The following MID1 variants were observed in gnomAD, a reference collection of about 807,000 sequenced individuals.
MID1 encodes the protein E3 ubiquitin-protein ligase Midline-1.
Under a neutral mutation model 40.4 loss-of-function variants are expected in MID1, and 7 were observed. The ratio of observed to expected loss-of-function variants is 0.17; its 90% CI spans 0.10 to 0.33. The LOEUF (loss-of-function observed/expected upper bound fraction) is 0.33, where lower values mean the gene tolerates loss of function less well. Ranked by LOEUF, MID1 falls within the 10% of genes least tolerant of loss-of-function variation. MID1 has a pLI of 1.00. For missense variants in MID1, 367 were observed against 558.5 expected, an observed-to-expected ratio of 0.66 and a Z score of 3.46; for synonymous variants, 229 against 221.2, an observed-to-expected ratio of 1.04 and a Z score of -0.31.
intron 3 of MID1, among the ~76,000 whole-genome samples, chrX:10,507,974 T>C: frequency 8.9e-6 from 1 of 112,125 alleles, no homozygotes; most frequent in South Asian, 3.7e-4. Flanking sequence ...ACAGTGTTAG[T>C]AGCTAAGGAA....
chrX:10,713,325 A>G (rs898409647), intron 1 of MID1, among the ~76,000 whole-genome samples: 1 of 96,516 alleles, frequency 1.0e-5, no homozygotes, highest in African/African-American at 3.9e-5. Flanking sequence ...AGAGAAGGAG[A>G]TTTTTTTTTT....
chrX:10,826,026 C>T (rs138534967), intron 1 of MID1, among the ~76,000 whole-genome samples: 1 of 111,519 alleles, frequency 9.0e-6, no homozygotes, highest in East Asian at 2.8e-4. Context: ...TAGCATCACA[C>T]AGCTACTAAA....
chrX:10,495,378 G>C (rs1037823549), intron 4 of MID1, among the ~76,000 whole-genome samples: 9 of 111,132 alleles, frequency 8.1e-5, no homozygotes, highest in Admixed American at 5.8e-4. Flanking sequence ...TGTATCACAG[G>C]TCTTCACAGG....
rs1217006001 is a variant in MID1, at chrX:10,770,412, A to G, written c.-187+63142T>C. ...GTTGAGTCCTTTGTTCTGGGAGGGG[A>G]CTGAGGTCATTTGCACTTTGGACCC... is the stretch of plus-strand genomic sequence containing the variant. On this transcript the variant is annotated intron_variant, in intron 1 of 10. Transcript: ENST00000380785. 2.7e-5 allele frequency among the ~76,000 whole-genome samples: 3 copies of G among 111,884 alleles called. No individual in the cohort carries two copies. The East Asian group carries it at 8.4e-4, about 31-fold the overall frequency.
At chrX:10,516,560 T>TTGTGTGTGTGTG (rs57101806) in intron 3 of MID1, among the ~76,000 whole-genome samples, 50 of 73,356 alleles carry the variant, frequency 6.8e-4, no homozygotes, top group African/African-American at 1.8e-3. Flanking sequence ...TACTCTGCTC[T>TTGTGTGTGTGTG]TGTGTGTGTG....
chrX:10,598,867 C>CTT (rs769614098), intron 1 of MID1, among the ~76,000 whole-genome samples: 2 of 112,174 alleles, frequency 1.8e-5, no homozygotes, highest in African/African-American at 6.5e-5. Flanking sequence ...GCCACCCAGA[C>CTT]TTGCAACCTA....
intron 6 of MID1, among the ~76,000 whole-genome samples, chrX:10,471,180 C>T (rs1449862147): frequency 8.9e-6 from 1 of 112,233 alleles, no homozygotes; most frequent in African/African-American, 3.2e-5. Context: ...CATACCTGCA[C>T]TCTACAAACT....
intron 1 of MID1, among the ~76,000 whole-genome samples, chrX:10,730,384 T>G (rs1292082291): frequency 9.0e-6 from 1 of 110,529 alleles, no homozygotes; most frequent in Non-Finnish European, 1.9e-5. Flanking sequence ...ATCAAGAAGA[T>G]TGAAAATGCT....
chrX:10,640,236 T>G (rs1936173860), intron 1 of MID1, among the ~76,000 whole-genome samples: 1 of 110,815 alleles, frequency 9.0e-6, no homozygotes, highest in Non-Finnish European at 1.9e-5. Flanking sequence ...GGATAAAGAG[T>G]CAAGACCCAT....
intron 7 of MID1, among the ~76,000 whole-genome samples, chrX:10,468,193 C>T (rs765159162): frequency 3.6e-5 from 4 of 111,817 alleles, no homozygotes; most frequent in East Asian, 2.8e-4. Flanking sequence ...AAAGCTTCCA[C>T]GGCAGGCCAA....
At chrX:10,828,007 C>A (rs2044227079) in intron 1 of MID1, among the ~76,000 whole-genome samples, 1 of 111,196 alleles carries the variant, frequency 9.0e-6, no homozygotes, top group Admixed American at 9.5e-5. Context: ...GAATAACTCT[C>A]TGTTAGAGAG....
In MID1 at chrX:10,455,913, T is replaced by C. The variant is rs898236654; in HGVS notation, c.1448-836A>G. Among the ~76,000 whole-genome samples the C allele has an allele frequency of 3.6e-5, 4 of 112,433 alleles. No individual in the cohort carries two copies. In the East Asian group the frequency reaches 8.3e-4, roughly 23 times the overall value. ...TTGGCAGAGTCACACCTGGACATTT[T>C]GTCATAGTTGTTACTTCTTCTTTGA... On this transcript the variant is annotated intron_variant, in intron 8 of 9. Transcript: ENST00000317552.
At chrX:10,510,850 A>G (rs1932106660) in intron 3 of MID1, among the ~76,000 whole-genome samples, 1 of 108,222 alleles carries the variant, frequency 9.2e-6, no homozygotes. Flanking sequence ...AAAAAAAAAA[A>G]AAAAGAAAAT....
chrX:10,794,452 C>A (rs892119590), intron 1 of MID1, among the ~76,000 whole-genome samples: 5 of 112,150 alleles, frequency 4.5e-5, no homozygotes, highest in African/African-American at 9.7e-5. Context: ...TAAGAGAAAC[C>A]AGCTGCTCAC....
At chrX:10,709,030 C>T (rs2043248581) in intron 1 of MID1, among the ~76,000 whole-genome samples, 3 of 112,515 alleles carry the variant, frequency 2.7e-5, no homozygotes, top group Admixed American at 1.9e-4. Flanking sequence ...TTAAGGTTAA[C>T]CTTAAGATCT....
At chrX:10,749,703 C>T (rs1214720987) in intron 1 of MID1, among the ~76,000 whole-genome samples, 1 of 111,329 alleles carries the variant, frequency 9.0e-6, no homozygotes, top group African/African-American at 3.3e-5. Flanking sequence ...GGAAGAAGCA[C>T]GTCACTTGGC....
At chrX:10,648,908 A>C (rs1311872719) in intron 1 of MID1, among the ~76,000 whole-genome samples, 2 of 111,565 alleles carry the variant, frequency 1.8e-5, no homozygotes, top group African/African-American at 6.5e-5. Context: ...TAACCACTAC[A>C]AGCAGGAGAT....
chrX:10,523,283 C>A (rs1932771807), intron 2 of MID1, 96 bp from the exon 3 acceptor site: 1 of 605,685 alleles, frequency 1.7e-6, no homozygotes, highest in Non-Finnish European at 2.6e-6. Flanking sequence ...AAAACTGATA[C>A]ATTTTTCAGA....
chrX:10,465,908 G>A (rs1929360480), intron 7 of MID1, among the ~76,000 whole-genome samples: 2 of 112,035 alleles, frequency 1.8e-5, no homozygotes, highest in Non-Finnish European at 3.8e-5. Flanking sequence ...TAAGTTTTTG[G>A]AAATTTGTTT....
Sources: allele counts gnomAD v4.1 joint callset (sites outside exome capture counted in the v4.1 genomes callset), GRCh38; gene constraint gnomAD v4.1.1; transcripts MANE v1.5; gene names NCBI Gene and HGNC (gene_info 2026-07-23, HGNC 2026-07-21).